The following PARVB variants were observed in gnomAD, a reference collection of about 807,000 sequenced individuals.
PARVB encodes parvin beta, also known as beta-parvin.
Under a neutral mutation model 47.0 loss-of-function variants are expected in PARVB, and 46 were observed. The observed-to-expected ratio is 0.98, with a 90% CI of 0.77 to 1.25. The LOEUF (loss-of-function observed/expected upper bound fraction) is 1.25. Among genes scored for constraint, PARVB ranks in the 50% most tolerant of loss-of-function variants. The pLI is 0.00. For synonymous variants in PARVB, 196 were observed against 196.3 expected (o/e 1.00, Z 0.01); for missense variants, 473 against 471.6 (o/e 1.00, Z -0.03).
intron 2 of PARVB, among the ~76,000 whole-genome samples, chr22:44,097,329 A>G (rs1217573853): frequency 6.6e-6 from 1 of 152,126 alleles, no homozygotes; most frequent in Non-Finnish European, 1.5e-5. Context: ...TCTGCTTTAA[A>G]CATGCCTGCA....
At chr22:44,030,054 C>T (rs2050797937) in intron 1 of PARVB, among the ~76,000 whole-genome samples, 1 of 152,268 alleles carries the variant, frequency 6.6e-6, no homozygotes, top group Non-Finnish European at 1.5e-5. Context: ...GAATTTCCTT[C>T]AGGGCATCCA....
rs967320365 is a variant in PARVB, at chr22:44,008,112, T to C, written c.211+8439T>C. 5.3e-5 allele frequency among the ~76,000 whole-genome samples: 8 copies of C among 152,272 alleles called. No individual in the cohort carries two copies. The Middle Eastern group carries it at 0.01, about 194-fold the overall frequency. Reference sequence around the variant, plus strand: ...GTTTTTTTTGTTGTTGTTGTTGTTTTGTTTTTGAGACAGAGTCTTGCTCTG... The same window carrying C: ...GTTTTTTTTGTTGTTGTTGTTGTTTCGTTTTTGAGACAGAGTCTTGCTCTG... On this transcript the variant is annotated intron_variant, in intron 2 of 13. Coordinates refer to the PARVB transcript ENST00000406477.
intron 11 of PARVB, 139 bp downstream of exon 11, chr22:44,158,222 T>C: frequency 1.6e-6 from 1 of 606,834 alleles, no homozygotes; most frequent in Non-Finnish European, 2.9e-6. Flanking sequence ...ATATTGCAAT[T>C]AGATGTAACT....
At chr22:44,166,059 C>G (rs2054160444) in intron 12 of PARVB, among the ~76,000 whole-genome samples, 1 of 152,232 alleles carries the variant, frequency 6.6e-6, no homozygotes, top group Non-Finnish European at 1.5e-5. Flanking sequence ...CCCCTGGTGG[C>G]CCTTTGCCTC....
At chr22:44,074,995 C>T (rs2051736234) in intron 1 of PARVB, among the ~76,000 whole-genome samples, 1 of 152,224 alleles carries the variant, frequency 6.6e-6, no homozygotes, top group South Asian at 2.1e-4. Context: ...GTGGAGCTCT[C>T]CTGAGCATTG....
rs567507043 is a variant in PARVB at position 44,126,995 on chromosome 22, A to G, written c.377-4492A>G. On this transcript the variant is annotated intron_variant, in intron 4 of 12. Coordinates refer to ENST00000338758, the MANE Select transcript of PARVB (RefSeq NM_013327.5). ...CTTTAAAGCTGCATCTTCCCCTCTC[A>G]AGGCACATCCTTTTGGTTCCCTCTT... Among the ~76,000 whole-genome samples, 283 of 152,242 alleles carry G rather than the reference A, an allele frequency of 1.9e-3. 2 individuals carry two copies. Among genetic ancestry groups the G allele is most frequent in the African/African-American group, 6.4e-3 (267 of 41,528 alleles).
intron 1 of PARVB, among the ~76,000 whole-genome samples, chr22:44,055,480 AC>A (rs2051288932): frequency 1.3e-5 from 2 of 151,752 alleles, no homozygotes; most frequent in Non-Finnish European, 2.9e-5. Flanking sequence ...GATTACAGGC[AC>A]TGGCCACCAC....
chr22:44,040,631 C>T (rs1454298525), intron 1 of PARVB, among the ~76,000 whole-genome samples: 1 of 152,152 alleles, frequency 6.6e-6, no homozygotes, highest in Non-Finnish European at 1.5e-5. Context: ...CCTGGAGCTT[C>T]TAGAGGGAAT....
intron 2 of PARVB, among the ~76,000 whole-genome samples, chr22:44,007,675 T>C (rs532101968): frequency 5.8e-4 from 89 of 152,310 alleles, no homozygotes; most frequent in Middle Eastern, 3.4e-3. Context: ...AAAAGTTTTT[T>C]TTTGGTAAAA....
intron 8 of PARVB, chr22:44,140,981 C>T (rs1398076307): frequency 1.2e-5 from 2 of 167,280 alleles, no homozygotes; most frequent in African/African-American, 2.4e-5. Context: ...ACCTCTTGAC[C>T]CCCAGATACC....
intron 8 of PARVB, 195 bp downstream of exon 8, chr22:44,140,338 G>A: frequency 1.4e-6 from 1 of 719,450 alleles, no homozygotes. Flanking sequence ...TCTCAGAGCT[G>A]AGAGTGGCTG....
intron 1 of PARVB, among the ~76,000 whole-genome samples, chr22:44,025,771 G>C (rs537143049): frequency 6.6e-6 from 1 of 152,276 alleles, no homozygotes; most frequent in South Asian, 2.1e-4. Context: ...ACCCTCACCA[G>C]AAATCATTTC....
chr22:44,085,258 C>T (rs962891678), intron 1 of PARVB, among the ~76,000 whole-genome samples: 1 of 152,204 alleles, frequency 6.6e-6, no homozygotes, highest in South Asian at 2.1e-4. Flanking sequence ...TACACCACCA[C>T]ACCCAGCCTT....
intron 4 of PARVB, among the ~76,000 whole-genome samples, chr22:44,124,479 G>C (rs976974357): frequency 1.3e-5 from 2 of 152,290 alleles, no homozygotes; most frequent in East Asian, 3.9e-4. Context: ...TTGGTGGAAG[G>C]GTCTCCCCAT....
chr22:44,081,986 G>A (rs1223365857), intron 1 of PARVB, among the ~76,000 whole-genome samples: 1 of 152,220 alleles, frequency 6.6e-6, no homozygotes, highest in African/African-American at 2.4e-5. Flanking sequence ...AAATCACAGA[G>A]GCAGAGGCTT....
At chr22:43,999,389 C>G (rs748367787) in exon 1 of PARVB, 6 of 1,610,696 alleles carry the variant, frequency 3.7e-6, no homozygotes, top group Non-Finnish European at 5.1e-6. Context: ...AAGGGGATTC[C>G]TTAGTCCAGA....
intron 1 of PARVB, among the ~76,000 whole-genome samples, chr22:44,066,820 C>CT (rs2051544444): frequency 5.7e-5 from 7 of 121,766 alleles, no homozygotes; most frequent in South Asian, 4.7e-4. Context: ...CCTCCTCCTC[C>CT]TCTTCCTCCT....
intron 1 of PARVB, among the ~76,000 whole-genome samples, chr22:44,027,918 T>C (rs2050758172): frequency 7.7e-6 from 1 of 129,316 alleles, no homozygotes; most frequent in African/African-American, 3.7e-5. Context: ...AAAAACCATA[T>C]ATATATATAT....
chr22:44,163,809 G>A (rs1259191527), intron 11 of PARVB, 49 bp from the exon 12 acceptor site: 2 of 1,475,946 alleles, frequency 1.4e-6, no homozygotes, highest in African/African-American at 1.4e-5. Flanking sequence ...GGCCGTGTGT[G>A]GGAACGACTG....
Sources: gnomAD v4.1 joint callset for allele counts (sites outside exome capture counted in the v4.1 genomes callset) on GRCh38, gnomAD v4.1.1 for gene constraint, MANE v1.5 for transcripts, NCBI Gene and HGNC (gene_info 2026-07-23, HGNC 2026-07-21) for gene names.